BRWD1: variants seen among roughly 807,000 people sequenced by gnomAD.
The protein encoded by BRWD1 is bromodomain and WD repeat domain containing 1, also known as bromodomain and WD repeat-containing protein 1.
Under a neutral mutation model 251.2 loss-of-function variants are expected in BRWD1, and 82 were observed. That is an observed-to-expected ratio of 0.33 (90% CI 0.27 to 0.39). The LOEUF (loss-of-function observed/expected upper bound fraction) is 0.39, where lower values mean the gene tolerates loss of function less well. Ranked by LOEUF, BRWD1 falls within the 10% of genes least tolerant of loss-of-function variation. The pLI is 1.00. For missense variants in BRWD1, 2,233 were observed against 2,711.6 expected, an observed-to-expected ratio of 0.82 and a Z score of 3.92; for synonymous variants, 918 against 902.8, an observed-to-expected ratio of 1.02 and a Z score of -0.30.
At chr21:39,271,190 G>A (rs1292706756) in intron 13 of BRWD1, among the ~76,000 whole-genome samples, 1 of 152,094 alleles carries the variant, frequency 6.6e-6, no homozygotes, top group African/African-American at 2.4e-5. Context: ...TACTCAGAAG[G>A]CTGAGGCAGG....
rs146351121 is a variant in BRWD1 at position 39,202,447 on chromosome 21, C to T, written c.4463G>A (p.Gly1488Glu). 1.3e-5 allele frequency: 21 copies of T among 1,613,778 alleles called. No homozygotes were observed. In the African/African-American group the frequency reaches 2.8e-4, roughly 22 times the overall value. The change falls in exon 38 of 41, where the codon GGA becomes GAA. Residue 1488 changes from glycine to glutamate, a missense_variant. Coordinates refer to ENST00000342449, the MANE Select transcript of BRWD1 (RefSeq NM_033656.4). ...QSTSSRTAYL[G>E]THKTSAGISS... ...GATACCAGCACTTGTCTTGTGGGTT[C>T]CAAGATAAGCTGTCCTACTTGAGGT...
At chr21:39,290,633 A>C (rs1032305424) in intron 8 of BRWD1, among the ~76,000 whole-genome samples, 1 of 152,202 alleles carries the variant, frequency 6.6e-6, no homozygotes, top group Non-Finnish European at 1.5e-5. Context: ...TTCCAAGATG[A>C]TTTTAAAACA....
chr21:39,299,126 G>A (rs1044201054), intron 4 of BRWD1, among the ~76,000 whole-genome samples: 5 of 152,164 alleles, frequency 3.3e-5, no homozygotes, highest in African/African-American at 1.2e-4. Flanking sequence ...GGGAGGCTGA[G>A]GCAGGAGAAT....
chr21:39,271,837 C>T lies in BRWD1; in HGVS notation c.1245-1404G>A, dbSNP rs899681901. ...GCGGATCACTTGAGGTCAGGAGTTC[C>T]AGACCAACCTGGCCAACAGGATGAA... On this transcript the variant is annotated intron_variant, in intron 13 of 40. Coordinates refer to ENST00000342449, the MANE Select transcript of BRWD1 (RefSeq NM_033656.4). Among the ~76,000 whole-genome samples, 8 of 151,104 alleles carry T rather than the reference C, an allele frequency of 5.3e-5. 1 individual carries two copies. The South Asian group carries it at 1.7e-3, about 31-fold the overall frequency.
At position 39,255,962 on chromosome 21, in the gene BRWD1, A is replaced by C. The variant is rs1483172821; in HGVS notation, c.2072-134T>G. The C allele has an allele frequency of 2.3e-5, 19 of 816,384 alleles. No individual in the cohort carries two copies. In the East Asian group the frequency reaches 5.1e-4, roughly 22 times the overall value. The allele number at this position is 816,384 out of a possible 1,614,324, so 50.6% of individuals were successfully genotyped here. On this transcript the variant is annotated intron_variant, in intron 18 of 40. Coordinates refer to ENST00000342449, the MANE Select transcript of BRWD1 (RefSeq NM_033656.4). ...AAGAGAAGATAGTATCTACTGAAAAAACTTTGTGAGAAAAATCTTTTTAAA... is the reference window on the plus strand; with the variant it reads ...AAGAGAAGATAGTATCTACTGAAAACACTTTGTGAGAAAAATCTTTTTAAA...
chr21:39,230,401 A>G lies in BRWD1; in HGVS notation c.3001-965T>C, dbSNP rs566790137. Among the ~76,000 whole-genome samples, 22 of 152,338 alleles carry G rather than the reference A, an allele frequency of 1.4e-4. No homozygotes were observed. The South Asian group carries it at 4.6e-3, about 32-fold the overall frequency. On this transcript the variant is annotated intron_variant, in intron 25 of 40. Coordinates refer to ENST00000342449, the MANE Select transcript of BRWD1 (RefSeq NM_033656.4). ...CAAAGTGCTAAGCATAGTTTTCATT[A>G]TTCACAGCAGTTATGTTCTATAGTC... is the stretch of plus-strand genomic sequence containing the variant.
chr21:39,274,998 C>CT (rs1436095012), intron 12 of BRWD1, among the ~76,000 whole-genome samples: 2 of 151,774 alleles, frequency 1.3e-5, no homozygotes, highest in African/African-American at 4.8e-5. Flanking sequence ...TGAGCCGAGG[C>CT]TGCACCACTG....
At chr21:39,265,316 T>A (rs1047282953) in intron 15 of BRWD1, among the ~76,000 whole-genome samples, 6 of 152,056 alleles carry the variant, frequency 3.9e-5, no homozygotes, top group African/African-American at 1.4e-4. Context: ...TCCCAGCTAC[T>A]CAGGAAGCTG....
intron 27 of BRWD1, 46 bp downstream of exon 27, chr21:39,228,454 A>C (rs1360233145): frequency 1.5e-6 from 2 of 1,313,446 alleles, no homozygotes; most frequent in Non-Finnish European, 2.2e-6. Flanking sequence ...CCAATAAAAC[A>C]GATTAATTTT....
At chr21:39,307,380 A>C (rs983418832) in intron 4 of BRWD1, among the ~76,000 whole-genome samples, 3 of 150,976 alleles carry the variant, frequency 2.0e-5, no homozygotes, top group African/African-American at 7.5e-5. Context: ...GTAACTCAGT[A>C]ATTACAAAAC....
In BRWD1 at chr21:39,306,676, G is replaced by T. The variant is rs182990242; in HGVS notation, c.198+6165C>A. On this transcript the variant is annotated intron_variant, in intron 4 of 40. Coordinates refer to ENST00000342449, the MANE Select transcript of BRWD1 (RefSeq NM_033656.4). Reference sequence around the variant, plus strand: ...CATTAAGATTTAAAGAAATATATTGGAGTAGTCCTTTTGTGTGAGGAACAG... The same window carrying T: ...CATTAAGATTTAAAGAAATATATTGTAGTAGTCCTTTTGTGTGAGGAACAG... Among the ~76,000 whole-genome samples the T allele has an allele frequency of 1.2e-3, 180 of 152,210 alleles. 1 individual carries two copies. Among genetic ancestry groups the T allele is most frequent in the Non-Finnish European group, 2.2e-3 (150 of 68,028 alleles).
Position 39,266,590 on chromosome 21 carries a change from G to T in BRWD1, c.1531-1571C>A, listed in dbSNP as rs549729841. On this transcript the variant is annotated intron_variant, in intron 15 of 40. Transcript: ENST00000342449. ...CTTTTCTATAAATACTTGCTGAGAT[G>T]AAAGTTTTCTCAAGTGGGCAGACCT... 3.3e-5 allele frequency among the ~76,000 whole-genome samples: 5 copies of T among 152,244 alleles called. No individual in the cohort carries two copies. In the South Asian group the frequency reaches 6.2e-4, roughly 19 times the overall value.
At chr21:39,212,762 A>C in intron 33 of BRWD1, 55 bp from the exon 34 acceptor site, 1 of 1,218,222 alleles carries the variant, frequency 8.2e-7, no homozygotes, top group Non-Finnish European at 1.2e-6. Flanking sequence ...GAAAATAATA[A>C]CATAATCTTA....
chr21:39,222,918 A>G (rs1333300629), intron 29 of BRWD1, among the ~76,000 whole-genome samples: 1 of 149,640 alleles, frequency 6.7e-6, no homozygotes, highest in Non-Finnish European at 1.5e-5. Flanking sequence ...GCACTGAGAA[A>G]GACACATTAC....
intron 36 of BRWD1, among the ~76,000 whole-genome samples, chr21:39,208,270 T>C (rs2032499834): frequency 6.6e-6 from 1 of 152,152 alleles, no homozygotes; most frequent in Non-Finnish European, 1.5e-5. Context: ...GAAATTTATT[T>C]TGTCGCTGAA....
intron 8 of BRWD1, among the ~76,000 whole-genome samples, chr21:39,286,845 T>G (rs2035656630): frequency 6.6e-6 from 1 of 151,952 alleles, no homozygotes; most frequent in African/African-American, 2.4e-5. Flanking sequence ...ATACTAAAAA[T>G]GAACAGTTGT....
chr21:39,313,661 AG>A, upstream of BRWD1: 2 of 446,992 alleles, frequency 4.5e-6, no homozygotes, highest in South Asian at 1.1e-4. Flanking sequence ...GGGAGGAAGT[AG>A]TTCCTCCGCG....
At chr21:39,255,957 G>A (rs1386819895) in intron 18 of BRWD1, 129 bp from the exon 19 acceptor site, 1 of 839,486 alleles carries the variant, frequency 1.2e-6, no homozygotes, top group Non-Finnish European at 1.8e-6. Flanking sequence ...AGTATCTACT[G>A]AAAAAACTTT....
At chr21:39,185,321 A>AAAAAAAAAAAAAT, downstream of BRWD1, 1 of 126,370 alleles carries the variant, frequency 7.9e-6, no homozygotes, top group Non-Finnish European at 1.7e-5. Context: ...AAAAAAAAAA[A>AAAAAAAAAAAAAT]ACTTTGCATA....
Sources: gnomAD v4.1 joint callset for allele counts (sites outside exome capture counted in the v4.1 genomes callset) on GRCh38, gnomAD v4.1.1 for gene constraint, MANE v1.5 for transcripts, NCBI Gene and HGNC (gene_info 2026-07-23, HGNC 2026-07-21) for gene names.